The following TRMT1L variants were observed in gnomAD, a reference collection of about 807,000 sequenced individuals.
TRMT1L encodes tRNA methyltransferase 1L.
TRMT1L carries 28 observed loss-of-function variants against 81.6 expected under a neutral mutation model. The observed-to-expected ratio is 0.34, with a 90% CI of 0.25 to 0.47. TRMT1L has a LOEUF of 0.47. Among genes scored for constraint, TRMT1L ranks in the 20% least tolerant of loss-of-function variants. The pLI, the probability that TRMT1L is intolerant of heterozygous loss-of-function variation, is 1.00. For synonymous variants in TRMT1L, 301 were observed against 303.2 expected, an observed-to-expected ratio of 0.99 and a Z score of 0.07; for missense variants, 739 against 877.1, an observed-to-expected ratio of 0.84 and a Z score of 1.99.
Position 185,140,123 on chromosome 1 carries a change from C to T in TRMT1L, c.959G>A (p.Cys320Tyr). 6.2e-7 allele frequency: 1 copy of T among 1,613,802 alleles called. No individual in the cohort carries two copies. Among genetic ancestry groups the T allele is most frequent in the Non-Finnish European group, 8.5e-7 (1 of 1,179,870 alleles). Reference protein sequence around the residue: ...ENSVTLIQENCHLNKLKVVVD... With the variant: ...ENSVTLIQENYHLNKLKVVVD... ...CACCACTTTCAATTTGTTTAAATGG[C>T]AGTTTTCCTGAATCAGTGTCACAGA... The change falls in exon 8 of 15, where the codon TGC (cysteine) becomes TAC (tyrosine). Residue 320 changes from cysteine to tyrosine, a missense_variant. Transcript: ENST00000367506.
At chr1:185,136,725 T>C (rs980496070) in intron 10 of TRMT1L, among the ~76,000 whole-genome samples, 7 of 152,124 alleles carry the variant, frequency 4.6e-5, no homozygotes, top group Non-Finnish European at 7.3e-5. Context: ...CTGAAAAGCC[T>C]CTATAGTCAA....
intron 3 of TRMT1L, 30 bp from the exon 4 acceptor site, chr1:185,147,276 A>AT: frequency 6.6e-7 from 1 of 1,523,242 alleles, no homozygotes; most frequent in Non-Finnish European, 9.0e-7. Context: ...GTTATCATAC[A>AT]TTGTTCATTA....
Position 185,120,493 on chromosome 1 carries a change from A to G in TRMT1L, c.1839T>C (p.Asn613=), listed in dbSNP as rs781569516. 2 of 1,586,218 alleles carry G rather than the reference A, an allele frequency of 1.3e-6. No homozygotes were observed. The highest frequency in any genetic ancestry group is 2.7e-5 in the African/African-American group (2 of 73,712). ...TCTTGCCTAAATTTGTGATCATTTC[A>G]TTACTTTTTCTCTTTCCTGCAACAT... ...NYIAQGKRKS[N]EMITNLGKKQ... Residue 613 remains asparagine (N), a synonymous_variant, in exon 14 of 15, where the codon AAT becomes AAC. Coordinates refer to ENST00000367506, the MANE Select transcript of TRMT1L (RefSeq NM_030934.5).
chr1:185,123,067 G>A, intron 13 of TRMT1L, among the ~76,000 whole-genome samples: 1 of 152,136 alleles, frequency 6.6e-6, no homozygotes, highest in East Asian at 1.9e-4. Context: ...ATCAATTTAA[G>A]TTATCAAATT....
intron 11 of TRMT1L, among the ~76,000 whole-genome samples, chr1:185,125,435 G>A (rs1652600872): frequency 2.0e-5 from 3 of 152,124 alleles, no homozygotes; most frequent in South Asian, 4.2e-4. Context: ...CCAAAGTGCT[G>A]GAATTACAGG....
Position 185,145,537 on chromosome 1 carries a change from CAAT to C in TRMT1L, c.554_556del (p.His185_Cys186delinsArg). On this transcript the variant is annotated inframe_deletion, in exon 5 of 15. Transcript: ENST00000367506. ...GGTGATTGTTGCTGAACAAATGATA[CAAT>C]GATAATGGGCTCCCATTTTACTGGT... 1 of 1,611,796 alleles carries C rather than the reference CAAT, an allele frequency of 6.2e-7. No individual in the cohort carries two copies. Among genetic ancestry groups the C allele is most frequent in the Non-Finnish European group, 8.5e-7 (1 of 1,178,504 alleles).
chr1:185,124,404 A>T (rs1391447847), intron 12 of TRMT1L, among the ~76,000 whole-genome samples: 2 of 151,044 alleles, frequency 1.3e-5, no homozygotes, highest in African/African-American at 2.4e-5. Context: ...GGTTATCTTT[A>T]AAAAAAAATT....
At chr1:185,143,254 G>T in intron 7 of TRMT1L, 103 bp downstream of exon 7, 3 of 1,069,840 alleles carry the variant, frequency 2.8e-6, no homozygotes, top group Non-Finnish European at 4.0e-6. Context: ...TTTTGCCTTG[G>T]ATCTTTAATT....
Position 185,139,507 on chromosome 1 carries a change from T to C in TRMT1L, c.1182A>G (p.Ile394Met), listed in dbSNP as rs758989886. ...TGATATCTGTAGAAGTCACTGACAC[T>C]ATGCCAAGGTTTCTTATATTTCTGA... Reference protein sequence around the residue: ...SAFRNIRNLGIVSVTSTDISS... With the variant: ...SAFRNIRNLGMVSVTSTDISS... The change falls in exon 9 of 15, where the codon ATA (isoleucine) becomes ATG (methionine). Residue 394 changes from isoleucine (I) to methionine (M), a missense_variant. Transcript: ENST00000367506. The C allele has an allele frequency of 8.1e-6, 13 of 1,614,108 alleles. No individual in the cohort carries two copies. The highest frequency in any genetic ancestry group is 1.0e-5 in the Non-Finnish European group (12 of 1,179,982).
chr1:185,127,040 A>C (rs1557984951), intron 11 of TRMT1L, among the ~76,000 whole-genome samples: 1 of 152,204 alleles, frequency 6.6e-6, no homozygotes, highest in Non-Finnish European at 1.5e-5. Context: ...GGAGTCAGAA[A>C]ACCTAAGTTC....
intron 9 of TRMT1L, among the ~76,000 whole-genome samples, chr1:185,138,031 C>A (rs111383046): frequency 6.6e-6 from 1 of 152,096 alleles, no homozygotes; most frequent in African/African-American, 2.4e-5. Flanking sequence ...TTTTCCCTTG[C>A]GATATCCTCT....
At chr1:185,143,330 G>A in intron 7 of TRMT1L, 27 bp downstream of exon 7, 1 of 1,547,950 alleles carries the variant, frequency 6.5e-7, no homozygotes, top group Non-Finnish European at 8.8e-7. Flanking sequence ...AAATAAAATG[G>A]GGTTCCAAAA....
At position 185,142,394 on chromosome 1, in the gene TRMT1L, G is replaced by A. The variant is rs750087533; in HGVS notation, c.859+963C>T. On this transcript the variant is annotated intron_variant, in intron 7 of 14. Transcript: ENST00000367506. ...AGCTAACTCATGCTTTCACTCCTTT[G>A]GCACAAACTCCCCAAAAGTGTACTC... Among the ~76,000 whole-genome samples the A allele has an allele frequency of 3.9e-4, 60 of 152,062 alleles. 1 individual carries two copies. The highest frequency in any genetic ancestry group is 7.1e-4 in the Non-Finnish European group (48 of 67,998).
chr1:185,156,530 C>T lies in TRMT1L; in HGVS notation c.183G>A (p.Gln61=). 1 of 1,612,650 alleles carries T rather than the reference C, an allele frequency of 6.2e-7. No individual in the cohort carries two copies. Among genetic ancestry groups the T allele is most frequent in the South Asian group, 1.1e-5 (1 of 90,958 alleles). The change falls in exon 1 of 15, where the codon CAG becomes CAA. Residue 61 remains glutamine (Q), a synonymous_variant. Transcript: ENST00000367506. ...CTAGGGACGGGGACAGGGCCGGAGC[C>T]TGGGCCAGGGCAGGGGCTGGGGCTG... ...SAPAPAPALA[Q]APALSPSLAS... is the part of the protein sequence containing the mutation.
chr1:185,124,768 G>T, intron 12 of TRMT1L, 176 bp downstream of exon 12: 1 of 488,710 alleles, frequency 2.0e-6, no homozygotes, highest in Non-Finnish European at 3.4e-6. Flanking sequence ...TTACAAGCCT[G>T]AATAAAACTA....
At chr1:185,155,641 A>C (rs1378522963) in intron 1 of TRMT1L, among the ~76,000 whole-genome samples, 1 of 152,244 alleles carries the variant, frequency 6.6e-6, no homozygotes, top group Non-Finnish European at 1.5e-5. Context: ...AGGTCAACTT[A>C]TGACCACAAA....
intron 8 of TRMT1L, 101 bp downstream of exon 8, chr1:185,139,872 A>G: frequency 7.4e-7 from 1 of 1,354,582 alleles, no homozygotes. Context: ...CATTAATTTA[A>G]ATAAATAAAC....
At chr1:185,139,237 C>A in intron 9 of TRMT1L, 130 bp downstream of exon 9, 1 of 655,646 alleles carries the variant, frequency 1.5e-6, no homozygotes, top group South Asian at 3.0e-5. Context: ...GATTAAAAAC[C>A]AGTATTACAG....
intron 10 of TRMT1L, among the ~76,000 whole-genome samples, chr1:185,128,995 G>A (rs1464520062): frequency 6.6e-6 from 1 of 151,960 alleles, no homozygotes; most frequent in Non-Finnish European, 1.5e-5. Flanking sequence ...ACAACTCTCT[G>A]AAGTAGGTAC....
Sources: allele counts gnomAD v4.1 joint callset (sites outside exome capture counted in the v4.1 genomes callset), GRCh38; gene constraint gnomAD v4.1.1; transcripts MANE v1.5; gene names NCBI Gene and HGNC (gene_info 2026-07-23, HGNC 2026-07-21).